The following DYRK4 variants were observed in gnomAD, a reference collection of about 807,000 sequenced individuals.
DYRK4 encodes dual specificity tyrosine phosphorylation regulated kinase 4.
In DYRK4, 64 loss-of-function variants were observed where a neutral mutation model predicts 68.3. That is an observed-to-expected ratio of 0.94 (90% CI 0.77 to 1.15). The LOEUF is 1.15. Ranked by LOEUF, DYRK4 falls within the 50% of genes most tolerant of loss-of-function variation. The pLI, the probability that DYRK4 is intolerant of heterozygous loss-of-function variation, is 0.00. For synonymous variants in DYRK4, 274 were observed against 289.9 expected, an observed-to-expected ratio of 0.95 and a Z score of 0.56; for missense variants, 740 against 764.7, an observed-to-expected ratio of 0.97 and a Z score of 0.38.
chr12:4,600,181 A>G (rs1262806565), intron 10 of DYRK4, among the ~76,000 whole-genome samples: 1 of 152,212 alleles, frequency 6.6e-6, no homozygotes, highest in Non-Finnish European at 1.5e-5. Flanking sequence ...TCACTGCCCC[A>G]GATCCTCTAG....
At chr12:4,584,901 A>G (rs1319542558) in intron 2 of DYRK4, among the ~76,000 whole-genome samples, 1 of 152,060 alleles carries the variant, frequency 6.6e-6, no homozygotes, top group Non-Finnish European at 1.5e-5. Context: ...GAGAAGGGTG[A>G]GCTAGCTGAA....
At chr12:4,577,765 A>G (rs528656358) in intron 2 of DYRK4, among the ~76,000 whole-genome samples, 2 of 152,328 alleles carry the variant, frequency 1.3e-5, no homozygotes, top group Non-Finnish European at 2.9e-5. Flanking sequence ...ATGAACATGG[A>G]AAATATCTCA....
chr12:4,612,915 C>T (rs772031569), intron 14 of DYRK4, 197 bp downstream of exon 14: 7 of 560,956 alleles, frequency 1.2e-5, no homozygotes, highest in Non-Finnish European at 2.2e-5. Flanking sequence ...TAACCTCAAC[C>T]TGGGATAATT....
At position 4,613,297 on chromosome 12, in the gene DYRK4, A is replaced by G. The variant is rs1457925144; in HGVS notation, c.1667-218A>G. 6.6e-6 allele frequency among the ~76,000 whole-genome samples: 1 copy of G among 152,252 alleles called. No homozygotes were observed. The highest frequency in any genetic ancestry group is 1.5e-5 in the Non-Finnish European group (1 of 68,044). On this transcript the variant is annotated intron_variant, in intron 14 of 14. Transcript: ENST00000543431. This position sits in a 1 kb window ranked among gnomAD's most constrained non-coding sequence, Gnocchi z 4.0. ...AGTATCTCCATTTATGAGAATGAGA[A>G]TAAAGCCTGTTCTCCAGGGTCGCTG...
chr12:4,590,631 A>G (rs1466281218), intron 4 of DYRK4, 191 bp downstream of exon 4: 1 of 1,242,132 alleles, frequency 8.1e-7, no homozygotes, highest in African/African-American at 1.6e-5. Context: ...TTTCTTAGCT[A>G]CAAAATGGGC....
At chr12:4,605,773 C>T (rs1266855448) in intron 11 of DYRK4, among the ~76,000 whole-genome samples, 1 of 115,320 alleles carries the variant, frequency 8.7e-6, no homozygotes, top group Non-Finnish European at 1.6e-5. Flanking sequence ...AATGCCTATA[C>T]CCATAGGTGA....
chr12:4,605,162 G>T (rs529477583), intron 11 of DYRK4, 76 bp downstream of exon 11: 2 of 1,366,428 alleles, frequency 1.5e-6, no homozygotes, highest in South Asian at 1.3e-5. Context: ...CACCAGACTC[G>T]CCCAGGACCA....
intron 2 of DYRK4, among the ~76,000 whole-genome samples, chr12:4,584,135 A>G (rs1478818390): frequency 6.6e-6 from 1 of 152,218 alleles, no homozygotes; most frequent in Non-Finnish European, 1.5e-5. Context: ...GACTAGTTCC[A>G]AAAGAGGGGA....
rs1944940713 is a variant in DYRK4, at chr12:4,590,424, C to T, written c.308C>T (p.Ser103Leu). Residue 103 changes from serine (S) to leucine (L), a missense_variant, in exon 4 of 15, where the codon TCA becomes TTA. Transcript: ENST00000543431. ...PHISKKVLLKSSLLYQENQAH... is the reference protein window; with the variant it reads ...PHISKKVLLKLSLLYQENQAH... ...ATTAGCAAGAAAGTCCTGCTGAAGT[C>T]ATCCCTGCTGTATCAGGTGAGTGCA... 1 of 1,535,998 alleles carries T rather than the reference C, an allele frequency of 6.5e-7. No individual in the cohort carries two copies. The highest frequency in any genetic ancestry group is 8.7e-7 in the Non-Finnish European group (1 of 1,146,864).
At chr12:4,595,724 G>A (rs1945010057) in intron 6 of DYRK4, among the ~76,000 whole-genome samples, 1 of 152,180 alleles carries the variant, frequency 6.6e-6, no homozygotes, top group South Asian at 2.1e-4. Flanking sequence ...CCAAACCAGA[G>A]ATGCTGCTTA....
chr12:4,576,528 C>A (rs1222177568), intron 2 of DYRK4, among the ~76,000 whole-genome samples: 2 of 152,174 alleles, frequency 1.3e-5, no homozygotes, highest in Non-Finnish European at 2.9e-5. Context: ...TTTGGGTGAA[C>A]CAAGGAGCAT....
At chr12:4,605,107 CGGCTCCCACGGAGACCGT>C in intron 11 of DYRK4, 21 bp downstream of exon 11, 1 of 1,604,514 alleles carries the variant, frequency 6.2e-7, no homozygotes. Flanking sequence ...GGCTGGCGGT[CGGCTCCCACGGAGACCGT>C]GGGCTTGGCC....
intron 2 of DYRK4, chr12:4,573,213 A>C: frequency 1.2e-6 from 1 of 815,812 alleles, no homozygotes; most frequent in South Asian, 1.5e-5. Context: ...GTAAGCAGCC[A>C]ATCTAGAATC....
chr12:4,594,649 G>A (rs1375289343), intron 6 of DYRK4, among the ~76,000 whole-genome samples: 4 of 151,736 alleles, frequency 2.6e-5, no homozygotes, highest in African/African-American at 9.7e-5. Flanking sequence ...AAGGGTGTCA[G>A]TACTACTTTT....
chr12:4,567,039 A>T (rs1944684031), intron 1 of DYRK4, among the ~76,000 whole-genome samples: 1 of 152,246 alleles, frequency 6.6e-6, no homozygotes, highest in African/African-American at 2.4e-5. Flanking sequence ...TGGCTGCATT[A>T]TATTTCATAA....
chr12:4,604,271 C>T (rs1177827865), intron 10 of DYRK4, among the ~76,000 whole-genome samples: 2 of 152,186 alleles, frequency 1.3e-5, no homozygotes, highest in Non-Finnish European at 2.9e-5. Flanking sequence ...TTTATTAAAT[C>T]TCTATTTTGT....
At chr12:4,598,322 C>T (rs1228600046) in intron 8 of DYRK4, among the ~76,000 whole-genome samples, 1 of 152,190 alleles carries the variant, frequency 6.6e-6, no homozygotes, top group African/African-American at 2.4e-5. Context: ...ATTTTGGAGT[C>T]ATGCTCTTTC....
chr12:4,587,484 C>T (rs1050558180), intron 2 of DYRK4, among the ~76,000 whole-genome samples: 7 of 152,332 alleles, frequency 4.6e-5, no homozygotes, highest in African/African-American at 1.7e-4. Flanking sequence ...TGTCCAGTCT[C>T]CCTACCGCAT....
At chr12:4,581,502 C>G (rs1944841352) in intron 2 of DYRK4, among the ~76,000 whole-genome samples, 1 of 152,160 alleles carries the variant, frequency 6.6e-6, no homozygotes, top group Admixed American at 6.5e-5. Flanking sequence ...AGAAGATTCT[C>G]TTGTGTGAAT....
Sources: allele counts gnomAD v4.1 joint callset (sites outside exome capture counted in the v4.1 genomes callset), GRCh38; gene constraint gnomAD v4.1.1; non-coding constraint Gnocchi (gnomAD v3.1); transcripts MANE v1.5; gene names NCBI Gene and HGNC (gene_info 2026-07-23, HGNC 2026-07-21).